The following EIF3H variants were observed in gnomAD, a reference collection of about 807,000 sequenced individuals.
The protein encoded by EIF3H is eukaryotic translation initiation factor 3 subunit H.
Under a neutral mutation model 44.2 loss-of-function variants are expected in EIF3H, and 26 were observed. The ratio of observed to expected loss-of-function variants is 0.59; its 90% CI spans 0.43 to 0.82. The LOEUF (loss-of-function observed/expected upper bound fraction) is 0.82. Among genes scored for constraint, EIF3H ranks in the 40% least tolerant of loss-of-function variants. The probability of loss-of-function intolerance (pLI) is 0.00; values close to 1 mark genes in which losing one functional copy is unlikely to be tolerated. For synonymous variants in EIF3H, 166 were observed against 151.9 expected (o/e 1.09, Z -0.68); for missense variants, 359 against 432.8 (o/e 0.83, Z 1.51).
At chr8:116,717,494 C>G (rs1417965225) in intron 2 of EIF3H, among the ~76,000 whole-genome samples, 1 of 152,084 alleles carries the variant, frequency 6.6e-6, no homozygotes, top group Non-Finnish European at 1.5e-5. Flanking sequence ...TACCTGACTT[C>G]AAACTACTGT....
At chr8:116,678,767 G>A (rs1400167103) in intron 2 of EIF3H, among the ~76,000 whole-genome samples, 4 of 144,060 alleles carry the variant, frequency 2.8e-5, no homozygotes, top group East Asian at 2.1e-4. Flanking sequence ...CAACCGCCCC[G>A]TCTGAGAAGT....
rs762329328 is a variant in EIF3H, at chr8:116,646,492, T to C, written c.940A>G (p.Met314Val). Reference sequence around the variant, plus strand: ...ATACCTGCAATGAGCAGCGAGTCCATCCTGGCAGGCGGCTGTGGTGGTTTG... The same window carrying C: ...ATACCTGCAATGAGCAGCGAGTCCACCCTGGCAGGCGGCTGTGGTGGTTTG... ...LFKPPQPPAR[M>V]DSLLIAGQIN... The change falls in exon 7 of 8, where the codon ATG becomes GTG. Residue 314 changes from methionine to valine, a missense_variant. Around this residue, in one of 5 missense-constraint regions of EIF3H, gnomAD observed 94 missense variants for 96.0 expected, o/e 0.98. Coordinates refer to ENST00000521861, the MANE Select transcript of EIF3H (RefSeq NM_003756.3). The C allele has an allele frequency of 1.7e-5, 27 of 1,614,050 alleles. No homozygotes were observed. Among genetic ancestry groups the C allele is most frequent in the African/African-American group, 4.0e-5 (3 of 74,920 alleles).
At chr8:116,684,918 A>G (rs1356653770) in intron 2 of EIF3H, among the ~76,000 whole-genome samples, 1 of 152,222 alleles carries the variant, frequency 6.6e-6, no homozygotes, top group East Asian at 1.9e-4. Flanking sequence ...GAGTATGTAA[A>G]TCATAAATAT....
chr8:116,755,953 T>G, upstream of EIF3H: 7 of 1,536,644 alleles, frequency 4.6e-6, no homozygotes, highest in Non-Finnish European at 6.1e-6. Flanking sequence ...CAGTTTTACC[T>G]TCTTTCCAGG....
At chr8:116,648,548 T>C (rs926658418) in intron 6 of EIF3H, among the ~76,000 whole-genome samples, 1 of 152,228 alleles carries the variant, frequency 6.6e-6, no homozygotes, top group Non-Finnish European at 1.5e-5. Context: ...ATTTTCTCAA[T>C]AAATGTATCT....
At chr8:116,656,593 G>C (rs573076739) in intron 4 of EIF3H, among the ~76,000 whole-genome samples, 57 of 152,244 alleles carry the variant, frequency 3.7e-4, no homozygotes, top group Admixed American at 3.7e-3. Flanking sequence ...TGGGAAACTA[G>C]AGAAGAACCG....
chr8:116,743,799 AACACACAC>A (rs368555154), intron 1 of EIF3H, among the ~76,000 whole-genome samples: 176 of 87,028 alleles, frequency 2.0e-3, no homozygotes, highest in South Asian at 0.011. Flanking sequence ...TATATATATA[AACACACAC>A]ACACACACAC....
rs1014918552 is a variant in EIF3H, at chr8:116,644,856, T to C, written c.*150A>G. ...GTCAAGATTTTGTTTTATTTTATTA[T>C]GGCTAGAAAGACACTGTTATAGCCA... On this transcript the variant is annotated 3_prime_UTR_variant, in exon 8 of 8. Transcript: ENST00000521861. 2 of 566,918 alleles carry C rather than the reference T, an allele frequency of 3.5e-6. No homozygotes were observed. Among genetic ancestry groups the C allele is most frequent in the Non-Finnish European group, 6.3e-6 (2 of 318,944 alleles). 35.1% of individuals were successfully genotyped at this position (566,918 alleles called of 1,614,324 possible). A position where few individuals can be genotyped will look rare whatever the true frequency, so the allele number is the denominator to read the frequency against.
At chr8:116,756,093 C>T, upstream of EIF3H, 1 of 1,258,422 alleles carries the variant, frequency 7.9e-7, no homozygotes, top group East Asian at 2.5e-5. Flanking sequence ...CATTACAGTT[C>T]GCATTATTTC....
chr8:116,717,179 A>G (rs1416557930), intron 2 of EIF3H, among the ~76,000 whole-genome samples: 1 of 152,138 alleles, frequency 6.6e-6, no homozygotes, highest in African/African-American at 2.4e-5. Flanking sequence ...AATATAGAGT[A>G]TATGGGTTAG....
Position 116,655,836 on chromosome 8 carries a change from C to CA in EIF3H, c.707+19dup. The CA allele has an allele frequency of 6.2e-7, 1 of 1,610,496 alleles. No individual in the cohort carries two copies. The highest frequency in any genetic ancestry group is 8.5e-7 in the Non-Finnish European group (1 of 1,178,796). Reference sequence around the variant, plus strand: ...AAAAAGTTCTAAAACATGGGCTTTTCATTAGGCAGGGCCACTTACCTGCTG... The same window carrying CA: ...AAAAAGTTCTAAAACATGGGCTTTTCAATTAGGCAGGGCCACTTACCTGCTG... On this transcript the variant is annotated intron_variant, in intron 5 of 7. Transcript: ENST00000521861.
At chr8:116,670,747 T>G (rs1160216985) in intron 2 of EIF3H, among the ~76,000 whole-genome samples, 1 of 152,218 alleles carries the variant, frequency 6.6e-6, no homozygotes, top group Non-Finnish European at 1.5e-5. Flanking sequence ...GTTAGAAATG[T>G]ACCTTAGATA....
intron 2 of EIF3H, among the ~76,000 whole-genome samples, chr8:116,679,608 C>T (rs1228000808): frequency 3.4e-4 from 9 of 26,414 alleles, no homozygotes; most frequent in Non-Finnish European, 3.6e-4. Context: ...CCCCGCCCGG[C>T]CAGCCGCCCC....
At position 116,645,122 on chromosome 8, in the gene EIF3H, G is replaced by T; in HGVS notation, c.962-19C>A. On this transcript the variant is annotated intron_variant, in intron 7 of 7. Transcript: ENST00000521861. ...ATCTGGCCTGTGCATTTGAGAAAGAGATAGAGCCATAATGTTCCACAAATT... is the reference window on the plus strand; with the variant it reads ...ATCTGGCCTGTGCATTTGAGAAAGATATAGAGCCATAATGTTCCACAAATT... The T allele has an allele frequency of 6.3e-7, 1 of 1,582,224 alleles. No homozygotes were observed. The highest frequency in any genetic ancestry group is 8.7e-7 in the Non-Finnish European group (1 of 1,152,098).
At chr8:116,702,812 A>G (rs144836414) in intron 2 of EIF3H, among the ~76,000 whole-genome samples, 206 of 152,332 alleles carry the variant, frequency 1.4e-3, no homozygotes, top group African/African-American at 4.8e-3. Context: ...ATTTTAGGGC[A>G]GTGGTACCCA....
At chr8:116,707,501 T>A (rs1290622122) in intron 2 of EIF3H, among the ~76,000 whole-genome samples, 1 of 152,150 alleles carries the variant, frequency 6.6e-6, no homozygotes, top group African/African-American at 2.4e-5. Flanking sequence ...GGAATTTAAT[T>A]CTGTATGTGT....
intron 1 of EIF3H, among the ~76,000 whole-genome samples, chr8:116,748,911 T>G (rs1164535119): frequency 1.3e-5 from 2 of 152,232 alleles, no homozygotes; most frequent in Non-Finnish European, 2.9e-5. Flanking sequence ...TTGGTTTTTA[T>G]TTGTATTTTT....
chr8:116,746,483 T>C (rs1160797555), intron 1 of EIF3H, among the ~76,000 whole-genome samples: 1 of 152,172 alleles, frequency 6.6e-6, no homozygotes, highest in African/African-American at 2.4e-5. Flanking sequence ...ACAGAATAAC[T>C]ACTGGGGTCT....
At chr8:116,683,887 CG>C (rs1210782148) in intron 2 of EIF3H, among the ~76,000 whole-genome samples, 3 of 152,082 alleles carry the variant, frequency 2.0e-5, no homozygotes, top group African/African-American at 7.2e-5. Context: ...TCTGAAGCCA[CG>C]GGCATGATTA....
Sources: gnomAD v4.1 joint callset for allele counts (sites outside exome capture counted in the v4.1 genomes callset) on GRCh38, gnomAD v4.1.1 for gene constraint, gnomAD v4.1.1 regional missense constraint, MANE v1.5 for transcripts, NCBI Gene and HGNC (gene_info 2026-07-23, HGNC 2026-07-21) for gene names.